The following FHDC1 variants were observed in gnomAD, a reference collection of about 807,000 sequenced individuals.
FHDC1 encodes the protein FH2 domain-containing protein 1.
FHDC1 carries 25 observed loss-of-function variants against 52.6 expected under a neutral mutation model. The ratio of observed to expected loss-of-function variants is 0.48; its 90% CI spans 0.35 to 0.66. FHDC1 has a LOEUF of 0.66. FHDC1 is among the 30% of genes least tolerant of loss of function. The probability of loss-of-function intolerance (pLI) is 0.01; values close to 1 mark genes in which losing one functional copy is unlikely to be tolerated. For synonymous variants in FHDC1, 616 were observed against 581.5 expected (o/e 1.06, Z -0.85); for missense variants, 1,459 against 1,452.8 (o/e 1.00, Z -0.07).
chr4:152,915,936 T>C, the FHDC1 span, among the ~76,000 whole-genome samples: 5 of 152,204 alleles, frequency 3.3e-5, no homozygotes, highest in Non-Finnish European at 7.3e-5. Flanking sequence ...TAATGAGATA[T>C]AAATTATACA....
chr4:152,946,466 G>T (rs1004306661), intron 2 of FHDC1, among the ~76,000 whole-genome samples: 4 of 152,200 alleles, frequency 2.6e-5, no homozygotes, highest in Non-Finnish European at 4.4e-5. Context: ...AAAGAATATG[G>T]TACATGCTAT....
In FHDC1 at chr4:152,978,757, C is replaced by T. The variant is rs1327649856; in HGVS notation, c.*2034C>T. On this transcript the variant is annotated 3_prime_UTR_variant, in exon 12 of 12. Transcript: ENST00000511601. ...AAATATGATGCGTTTGTGGGGAATC[C>T]ACGTGGTTGACGTTAGAACCTCCCT... The T allele has an allele frequency of 2.0e-5, 3 of 151,962 alleles. No individual in the cohort carries two copies. Among genetic ancestry groups the T allele is most frequent in the Non-Finnish European group, 4.4e-5 (3 of 68,014 alleles). 9.4% of individuals were successfully genotyped at this position (151,962 alleles called of 1,614,324 possible).
At chr4:152,973,662 A>C (rs1205009837) in intron 11 of FHDC1, among the ~76,000 whole-genome samples, 2 of 152,246 alleles carry the variant, frequency 1.3e-5, no homozygotes, top group Non-Finnish European at 2.9e-5. Context: ...CTGAGGCCAG[A>C]GCTGCAGGCG....
chr4:152,954,842 T>C (rs1354345606), intron 4 of FHDC1, among the ~76,000 whole-genome samples: 1 of 152,204 alleles, frequency 6.6e-6, no homozygotes, highest in African/African-American at 2.4e-5. Flanking sequence ...AGATTTGAGC[T>C]ATTCCCTTAA....
At chr4:152,969,432 C>A (rs750634635) in intron 10 of FHDC1, among the ~76,000 whole-genome samples, 6 of 152,158 alleles carry the variant, frequency 3.9e-5, no homozygotes, top group Non-Finnish European at 8.8e-5. Flanking sequence ...AAATACTGAA[C>A]AGTAAACGAA....
chr4:152,975,735 T>C lies in FHDC1; in HGVS notation c.2444T>C (p.Met815Thr), dbSNP rs1240252894. 6.3e-7 allele frequency: 1 copy of C among 1,591,988 alleles called. No homozygotes were observed. Among genetic ancestry groups the C allele is most frequent in the South Asian group, 1.1e-5 (1 of 88,132 alleles). The change falls in exon 12 of 12, where the codon ATG (methionine) becomes ACG (threonine). Residue 815 changes from methionine to threonine, a missense_variant. Physicochemically the swap from Met to Thr is moderately conservative, Grantham distance 81 (BLOSUM62 -1). Coordinates refer to ENST00000511601, the MANE Select transcript of FHDC1 (RefSeq NM_001371116.1). ...DGSMSSGVGE[M>T]GDSQVSSNPT... ...TCCATGTCCTCTGGGGTTGGAGAAA[T>C]GGGGGACAGCCAAGTCTCCTCCAAC... is the stretch of plus-strand genomic sequence containing the variant.
At chr4:152,944,816 A>G (rs1219974375) in intron 2 of FHDC1, among the ~76,000 whole-genome samples, 1 of 152,238 alleles carries the variant, frequency 6.6e-6, no homozygotes, top group Admixed American at 6.5e-5. Context: ...TCTTCCTTTT[A>G]TGCAAAGTCC....
At chr4:152,927,923 A>G in the FHDC1 span, 3 of 1,435,774 alleles carry the variant, frequency 2.1e-6, no homozygotes, top group African/African-American at 4.2e-5. Flanking sequence ...TGTGAAGCGT[A>G]AGAGCTCAGA....
Position 152,976,529 on chromosome 4 carries a change from C to T in FHDC1, c.3238C>T (p.Pro1080Ser). 6.8e-6 allele frequency: 11 copies of T among 1,613,136 alleles called. No homozygotes were observed. Among genetic ancestry groups the T allele is most frequent in the Non-Finnish European group, 9.3e-6 (11 of 1,179,924 alleles). ...RVKGDPEDAA[P>S]KDSSTLRRAS... Reference sequence around the variant, plus strand: ...GAAAGGGGACCCCGAGGATGCCGCTCCCAAGGACAGCAGCACTTTGAGGCG... The same window carrying T: ...GAAAGGGGACCCCGAGGATGCCGCTTCCAAGGACAGCAGCACTTTGAGGCG... The change falls in exon 12 of 12, where the codon CCC becomes TCC. Residue 1080 changes from proline (P) to serine (S), a missense_variant. Physicochemically the swap from Pro to Ser is moderately conservative, Grantham distance 74. Transcript: ENST00000511601.
intron 8 of FHDC1, among the ~76,000 whole-genome samples, chr4:152,964,278 G>C (rs1740387745): frequency 6.6e-6 from 1 of 152,046 alleles, no homozygotes. Context: ...GTTTAGCTTG[G>C]GACTTAATTG....
upstream of FHDC1, among the ~76,000 whole-genome samples, chr4:152,932,578 G>A (rs1739271704): frequency 6.6e-6 from 1 of 152,226 alleles, no homozygotes; most frequent in Non-Finnish European, 1.5e-5. Flanking sequence ...TAACCATAAT[G>A]TGGACAGAGT....
At chr4:152,959,325 T>C (rs1740202925) in intron 4 of FHDC1, among the ~76,000 whole-genome samples, 1 of 152,268 alleles carries the variant, frequency 6.6e-6, no homozygotes, top group South Asian at 2.1e-4. Context: ...TGATTTGTGA[T>C]CTAATGTTGT....
the FHDC1 span, among the ~76,000 whole-genome samples, chr4:152,912,672 G>C: frequency 3.3e-5 from 5 of 152,138 alleles, no homozygotes; most frequent in Non-Finnish European, 7.4e-5. Context: ...GAAGATAAAG[G>C]CTGAACAATC....
intron 8 of FHDC1, 23 bp downstream of exon 8, chr4:152,963,153 T>C (rs1291873994): frequency 6.2e-7 from 1 of 1,601,316 alleles, no homozygotes; most frequent in Non-Finnish European, 8.6e-7. Context: ...GATTAGGACT[T>C]AGAGAACGCA....
Position 152,960,814 on chromosome 4 carries a change from G to A in FHDC1, c.820G>A (p.Asp274Asn). Reference sequence around the variant, plus strand: ...ACCTTCTTGCTCTTCTCTATATACAGATATAACAGTTTTAAGAACTGCTAT... The same window carrying A: ...ACCTTCTTGCTCTTCTCTATATACAAATATAACAGTTTTAAGAACTGCTAT... ...FLPSCSSLYT[D>N]ITVLRTAIKE... The change falls in exon 6 of 12, where the codon GAT becomes AAT. Residue 274 changes from aspartate (D) to asparagine (N), a missense_variant. Asp to Asn is a conservative substitution (Grantham distance 23). Transcript: ENST00000511601. 6.2e-7 allele frequency: 1 copy of A among 1,606,216 alleles called. No homozygotes were observed.
chr4:152,931,935 TA>T (rs200667161), upstream of FHDC1, among the ~76,000 whole-genome samples: 9,918 of 93,634 alleles, frequency 0.11, 395 homozygotes, highest in African/African-American at 0.22. Context: ...AGAACCTGTC[TA>T]AAAAAAAAAA....
At position 152,975,964 on chromosome 4, in the gene FHDC1, G is replaced by A. The variant is rs1417753466; in HGVS notation, c.2673G>A (p.Val891=). The part of the protein sequence containing the change: ...RRSQGAVAKS[V]RTLTASENES... The stretch of plus-strand genomic sequence containing the variant: ...GCCAGGGGGCAGTGGCCAAGTCTGT[G>A]CGGACCCTGACCGCCTCAGAGAACG... Residue 891 remains valine (V), a synonymous_variant, in exon 12 of 12, where the codon GTG becomes GTA. Coordinates refer to ENST00000511601, the MANE Select transcript of FHDC1 (RefSeq NM_001371116.1). 1 of 1,522,992 alleles carries A rather than the reference G, an allele frequency of 6.6e-7. No homozygotes were observed. The highest frequency in any genetic ancestry group is 2.2e-5 in the Admixed American group (1 of 44,870). The allele number at this position is 1,522,992 out of a possible 1,614,324, so 94.3% of individuals were successfully genotyped here.
the FHDC1 span, among the ~76,000 whole-genome samples, chr4:152,923,920 G>A: frequency 6.6e-6 from 1 of 152,216 alleles, no homozygotes; most frequent in East Asian, 1.9e-4. Context: ...GAAAACCTAG[G>A]CATTACCATT....
chr4:152,916,399 AATAC>A, the FHDC1 span, among the ~76,000 whole-genome samples: 6 of 152,196 alleles, frequency 3.9e-5, no homozygotes, highest in Non-Finnish European at 7.3e-5. Flanking sequence ...GCTCAGCAAA[AATAC>A]ATACATTCAT....
Sources: gnomAD v4.1 joint callset for allele counts (sites outside exome capture counted in the v4.1 genomes callset) on GRCh38, gnomAD v4.1.1 for gene constraint, MANE v1.5 for transcripts, NCBI Gene and HGNC (gene_info 2026-07-23, HGNC 2026-07-21) for gene names.